The following OPHN1 variants were observed in gnomAD, a reference collection of about 807,000 sequenced individuals.
The protein encoded by OPHN1 is oligophrenin 1, also known as oligophrenin-1.
A neutral mutation model predicts 60.7 loss-of-function variants in OPHN1; 11 were observed. That is an observed-to-expected ratio of 0.18 (90% CI 0.11 to 0.30). The LOEUF (loss-of-function observed/expected upper bound fraction) is 0.30. Among genes scored for constraint, OPHN1 ranks in the 10% least tolerant of loss-of-function variants. The pLI is 1.00. For missense variants in OPHN1, 449 were observed against 611.0 expected (o/e 0.73, Z 2.80); for synonymous variants, 226 against 222.6 (o/e 1.02, Z -0.14).
In OPHN1 at chrX:68,194,313, A is replaced by G. The variant is rs1602226589; in HGVS notation, c.1138+152T>C. ...CTACCTTAGTTCAATTACCAGACAC[A>G]TTTAAAAAATATATGGCTGAATTTT... is the stretch of plus-strand genomic sequence containing the variant. On this transcript the variant is annotated intron_variant, in intron 13 of 24. Coordinates refer to ENST00000355520, the MANE Select transcript of OPHN1 (RefSeq NM_002547.3). 1.3e-5 allele frequency: 7 copies of G among 541,092 alleles called. No homozygotes were observed. The East Asian group carries it at 2.5e-4, about 19-fold the overall frequency. 44.6% of individuals were successfully genotyped at this position (541,092 alleles called of 1,213,427 possible). A position where few individuals can be genotyped will look rare whatever the true frequency, so the allele number is the denominator to read the frequency against.
chrX:68,243,098 C>T (rs1178617577), intron 5 of OPHN1, among the ~76,000 whole-genome samples: 3 of 110,985 alleles, frequency 2.7e-5, no homozygotes, highest in African/African-American at 9.8e-5. Flanking sequence ...CTCCTGACCT[C>T]ACATGATCTG....
rs186677209 is a variant in OPHN1, at chrX:68,264,742, G to A, written c.384+9996C>T. Among the ~76,000 whole-genome samples, 249 of 112,443 alleles carry A rather than the reference G, an allele frequency of 2.2e-3. 2 individuals are homozygous for A. The highest frequency in any genetic ancestry group is 0.011 in the South Asian group (30 of 2,696). The stretch of plus-strand genomic sequence containing the variant: ...AGCAGGGCGAGGCATTGCCTCACCC[G>A]GGAAGTGCAAGGGGTCAGGGAATTC... On this transcript the variant is annotated intron_variant, in intron 5 of 24. Coordinates refer to ENST00000355520, the MANE Select transcript of OPHN1 (RefSeq NM_002547.3).
rs1569278166 is a variant in OPHN1, at chrX:68,317,381, AAGGAAGGAAGGAAGG to A, written c.155-18300_155-18286del. ...AAAGAAAGAAAGAAAGAAAGAAAGG[AAGGAAGGAAGGAAGG>A]AAGGAAGGAAGGAAGGAAGGAAGGA... On this transcript the variant is annotated intron_variant, in intron 2 of 24. Transcript: ENST00000355520. Among the ~76,000 whole-genome samples, 8 of 77,094 alleles carry A rather than the reference AAGGAAGGAAGGAAGG, an allele frequency of 1.0e-4. No homozygotes were observed. In the East Asian group the frequency reaches 1.9e-3, roughly 18 times the overall value. The allele number at this position is 77,094 out of a possible 115,157, so 66.9% of individuals were successfully genotyped here. A position where few individuals can be genotyped will look rare whatever the true frequency, so the allele number is the denominator to read the frequency against.
chrX:68,073,631 C>T (rs780345781), intron 19 of OPHN1, among the ~76,000 whole-genome samples: 11 of 111,747 alleles, frequency 9.8e-5, no homozygotes, highest in Non-Finnish European at 1.3e-4. Flanking sequence ...CTTTCTCATC[C>T]GTAACATAGG....
chrX:68,214,968 G>A (rs2077601718), intron 6 of OPHN1, among the ~76,000 whole-genome samples: 2 of 111,739 alleles, frequency 1.8e-5, no homozygotes, highest in Non-Finnish European at 3.8e-5. Flanking sequence ...CTGCACTCCA[G>A]CCTGGGTGAC....
chrX:68,396,398 CAAAAAAAAAAAA>C (rs57880548), intron 2 of OPHN1, among the ~76,000 whole-genome samples: 5,184 of 39,363 alleles, frequency 0.13, 428 homozygotes, highest in African/African-American at 0.4. Context: ...CCACTGCTCT[CAAAAAAAAAAAA>C]AAAAAAAAAA....
At chrX:68,074,266 C>T (rs1281794145) in intron 19 of OPHN1, among the ~76,000 whole-genome samples, 1 of 111,904 alleles carries the variant, frequency 8.9e-6, no homozygotes, top group African/African-American at 3.3e-5. Context: ...GAACACAAGG[C>T]AAGCTGTGTA....
At chrX:68,084,427 G>A (rs2076987571) in intron 19 of OPHN1, among the ~76,000 whole-genome samples, 1 of 104,473 alleles carries the variant, frequency 9.6e-6, no homozygotes, top group Admixed American at 1.0e-4. Flanking sequence ...GGGAGAGGGA[G>A]AGGAGAGTGG....
chrX:68,136,311 T>G (rs1355163028), intron 15 of OPHN1, among the ~76,000 whole-genome samples: 2 of 56,891 alleles, frequency 3.5e-5, no homozygotes, highest in East Asian at 7.3e-4. Context: ...TTTTTTTTTT[T>G]TTTTGTTTTT....
chrX:68,116,103 G>T, intron 16 of OPHN1, among the ~76,000 whole-genome samples: 1 of 111,752 alleles, frequency 8.9e-6, no homozygotes, highest in Middle Eastern at 4.7e-3. Context: ...GGATTGTGGA[G>T]ACCAAGTTTT....
chrX:68,331,942 A>T (rs1324846133), intron 2 of OPHN1, among the ~76,000 whole-genome samples: 2 of 110,355 alleles, frequency 1.8e-5, no homozygotes, highest in Non-Finnish European at 3.8e-5. Flanking sequence ...AGGCTGAGGC[A>T]GGAGAATCAC....
chrX:68,211,746 A>G (rs770733061), intron 8 of OPHN1, among the ~76,000 whole-genome samples: 11 of 112,366 alleles, frequency 9.8e-5, no homozygotes, highest in Non-Finnish European at 1.7e-4. Flanking sequence ...AATAAAGTCT[A>G]CAGTGAGAGT....
At chrX:68,250,546 G>A (rs1249077938) in intron 5 of OPHN1, among the ~76,000 whole-genome samples, 1 of 111,486 alleles carries the variant, frequency 9.0e-6, no homozygotes, top group Non-Finnish European at 1.9e-5. Context: ...CATAACCTGG[G>A]TTCAAGTACC....
At chrX:68,121,816 G>A (rs142085219) in intron 15 of OPHN1, among the ~76,000 whole-genome samples, 1 of 106,787 alleles carries the variant, frequency 9.4e-6, no homozygotes, top group African/African-American at 3.4e-5. Flanking sequence ...ACTTTGTCTT[G>A]CATCTTGTAT....
At chrX:68,291,502 C>G (rs1040684327) in intron 3 of OPHN1, among the ~76,000 whole-genome samples, 4 of 111,131 alleles carry the variant, frequency 3.6e-5, no homozygotes, top group African/African-American at 1.3e-4. Flanking sequence ...AGTCTCCTCA[C>G]TCTGCATGAG....
At chrX:68,342,349 A>G (rs957203186) in intron 2 of OPHN1, among the ~76,000 whole-genome samples, 2 of 111,360 alleles carry the variant, frequency 1.8e-5, no homozygotes, top group African/African-American at 6.5e-5. Context: ...TGTGAGGTAA[A>G]TACAAAAATG....
intron 8 of OPHN1, among the ~76,000 whole-genome samples, chrX:68,210,538 C>T (rs773720108): frequency 1.8e-5 from 2 of 111,718 alleles, no homozygotes; most frequent in African/African-American, 3.2e-5. Flanking sequence ...TTTACTAATA[C>T]GAATCACATA....
chrX:68,245,808 T>C (rs1303970703), intron 5 of OPHN1, among the ~76,000 whole-genome samples: 2 of 111,992 alleles, frequency 1.8e-5, no homozygotes, highest in Non-Finnish European at 3.8e-5. Flanking sequence ...TATTTATTTA[T>C]TTATGAATTT....
chrX:68,399,025 CA>C (rs1172326537), intron 2 of OPHN1, among the ~76,000 whole-genome samples: 2 of 108,617 alleles, frequency 1.8e-5, no homozygotes, highest in Non-Finnish European at 3.8e-5. Context: ...ACCTTCTCCA[CA>C]AAACTGGTCC....
Sources: gnomAD v4.1 joint callset for allele counts (sites outside exome capture counted in the v4.1 genomes callset) on GRCh38, gnomAD v4.1.1 for gene constraint, MANE v1.5 for transcripts, NCBI Gene and HGNC (gene_info 2026-07-23, HGNC 2026-07-21) for gene names.